SPCS2: variants seen among roughly 807,000 people sequenced by gnomAD.
SPCS2 encodes signal peptidase complex subunit 2.
SPCS2 carries 3 observed loss-of-function variants against 22.3 expected under a neutral mutation model. The ratio of observed to expected loss-of-function variants is 0.13; its 90% CI spans 0.06 to 0.35. The LOEUF is 0.35. Ranked by LOEUF, SPCS2 falls within the 10% of genes least tolerant of loss-of-function variation. The probability of loss-of-function intolerance (pLI) is 1.00; values close to 1 mark genes in which losing one functional copy is unlikely to be tolerated. For synonymous variants in SPCS2, 67 were observed against 97.2 expected (o/e 0.69, Z 1.83); for missense variants, 169 against 280.9 (o/e 0.60, Z 2.85).
At chr11:74,956,598 C>A (rs1948480392) in intron 1 of SPCS2, among the ~76,000 whole-genome samples, 1 of 152,190 alleles carries the variant, frequency 6.6e-6, no homozygotes, top group South Asian at 2.1e-4. Flanking sequence ...GTAGCCCTTT[C>A]AACTGGTCTT....
At chr11:74,969,896 G>C (rs573326896) in intron 4 of SPCS2, among the ~76,000 whole-genome samples, 197 bp downstream of exon 4, 20 of 152,326 alleles carry the variant, frequency 1.3e-4, no homozygotes, top group Non-Finnish European at 2.4e-4. Context: ...TCACAGAAAT[G>C]CTCTGAGGAT....
chr11:74,949,395 A>T lies in SPCS2; in HGVS notation c.110A>T (p.Asp37Val). The change falls in exon 1 of 5, where the codon GAT becomes GTT. Residue 37 changes from aspartate to valine, a missense_variant. Transcript: ENST00000263672. Reference sequence around the variant, plus strand: ...GGAAGTGGCCGTAGCGGCTTGTTGGATAAGGTGAGGAGCCGGTTCTTGGGA... The same window carrying T: ...GGAAGTGGCCGTAGCGGCTTGTTGGTTAAGGTGAGGAGCCGGTTCTTGGGA... ...GTGSGRSGLL[D>V]KWKIDDKPVK... 6.4e-7 allele frequency: 1 copy of T among 1,551,180 alleles called. No individual in the cohort carries two copies. The highest frequency in any genetic ancestry group is 8.7e-7 in the Non-Finnish European group (1 of 1,146,752).
intron 4 of SPCS2, among the ~76,000 whole-genome samples, chr11:74,972,129 C>T (rs961777246): frequency 7.2e-5 from 11 of 151,898 alleles, no homozygotes; most frequent in Non-Finnish European, 1.6e-4. Flanking sequence ...CGCAATGACG[C>T]GATCTTGGCT....
At chr11:74,959,205 G>A (rs1371164592) in intron 1 of SPCS2, among the ~76,000 whole-genome samples, 1 of 152,204 alleles carries the variant, frequency 6.6e-6, no homozygotes, top group African/African-American at 2.4e-5. Flanking sequence ...CATCTCTCCA[G>A]TGTGAATTGA....
rs1591740967 is a variant in SPCS2 at position 74,969,690 on chromosome 11, G to C, written c.485G>C (p.Ser162Thr). The C allele has an allele frequency of 6.2e-7, 1 of 1,613,706 alleles. No individual in the cohort carries two copies. The highest frequency in any genetic ancestry group is 8.5e-7 in the Non-Finnish European group (1 of 1,179,674). Reference sequence around the variant, plus strand: ...GATGATATTTGGCAGCTGTCCTCCAGTCTTAAAAGGTATGACTATCCTCAC... The same window carrying C: ...GATGATATTTGGCAGCTGTCCTCCACTCTTAAAAGGTATGACTATCCTCAC... Reference protein sequence around the residue: ...DPDDIWQLSSSLKRFDDKYTL... With the variant: ...DPDDIWQLSSTLKRFDDKYTL... Residue 162 changes from serine to threonine, a missense_variant, in exon 4 of 5, where the codon AGT (serine) becomes ACT (threonine). This residue lies in a region of SPCS2 where 118 missense variants were observed against 243.1 expected (regional missense o/e 0.49). Coordinates refer to ENST00000263672, the MANE Select transcript of SPCS2 (RefSeq NM_014752.3).
At chr11:74,965,186 C>T in intron 2 of SPCS2, 69 bp downstream of exon 2, 1 of 1,079,308 alleles carries the variant, frequency 9.3e-7, no homozygotes, top group Non-Finnish European at 1.3e-6. Context: ...GAAATCTTTT[C>T]CTTTTGTAAC....
chr11:74,969,454 A>G, intron 3 of SPCS2, 111 bp from the exon 4 acceptor site: 1 of 1,021,430 alleles, frequency 9.8e-7, no homozygotes, highest in Non-Finnish European at 1.4e-6. Context: ...GCAGCAAGAC[A>G]AAGCTGTCTT....
Position 74,968,520 on chromosome 11 carries a change from T to G in SPCS2, c.360-1045T>G, listed in dbSNP as rs1338286316. Among the ~76,000 whole-genome samples the G allele has an allele frequency of 5.4e-5, 7 of 130,816 alleles. No homozygotes were observed. In the South Asian group the frequency reaches 8.6e-4, roughly 16 times the overall value. 85.8% of individuals were successfully genotyped at this position (130,816 alleles called of 152,430 possible). On this transcript the variant is annotated intron_variant, in intron 3 of 4. Transcript: ENST00000263672. Reference sequence around the variant, plus strand: ...TTTGGTTTTTGTGGGTTTTTTTTGTTTTTTTTTTTTTTTGAGACAGAGTCT... The same window carrying G: ...TTTGGTTTTTGTGGGTTTTTTTTGTGTTTTTTTTTTTTTGAGACAGAGTCT...
At chr11:74,975,367 T>C (rs1432602127) in intron 4 of SPCS2, among the ~76,000 whole-genome samples, 1 of 152,202 alleles carries the variant, frequency 6.6e-6, no homozygotes, top group Non-Finnish European at 1.5e-5. Context: ...TTTTTTATAC[T>C]GTCTGTTCCC....
At chr11:74,954,270 G>C (rs1203822427) in intron 1 of SPCS2, among the ~76,000 whole-genome samples, 1 of 152,220 alleles carries the variant, frequency 6.6e-6, no homozygotes, top group East Asian at 1.9e-4. Context: ...TTGTAGACAA[G>C]GACACAAGCA....
At chr11:74,949,970 C>T (rs950601313) in intron 1 of SPCS2, among the ~76,000 whole-genome samples, 1 of 152,044 alleles carries the variant, frequency 6.6e-6, no homozygotes, top group Non-Finnish European at 1.5e-5. Context: ...TTTTCCCCGC[C>T]CTCTCCTCTC....
chr11:74,964,073 A>G (rs1028586453), intron 1 of SPCS2, among the ~76,000 whole-genome samples: 1 of 152,234 alleles, frequency 6.6e-6, no homozygotes, highest in Non-Finnish European at 1.5e-5. Context: ...CTACCCTGAT[A>G]AGATATCTGG....
intron 4 of SPCS2, 44 bp from the exon 5 acceptor site, chr11:74,976,813 T>C (rs1948616380): frequency 1.2e-6 from 2 of 1,611,428 alleles, no homozygotes; most frequent in African/African-American, 1.3e-5. Context: ...TGGTTGAATC[T>C]CTGTGTTTGG....
In SPCS2 at chr11:74,965,879, C is replaced by T. The variant is rs769428961; in HGVS notation, c.315C>T (p.His105=). ...AIVALIWDYM[H]PFPESKPVLA... is the part of the protein sequence containing the mutation. ...TGGCTTTGATTTGGGATTATATGCACCCCTTTCCAGAGTCCAAACCCGTTT... is the reference window on the plus strand; with the variant it reads ...TGGCTTTGATTTGGGATTATATGCATCCCTTTCCAGAGTCCAAACCCGTTT... The change falls in exon 3 of 5, where the codon CAC becomes CAT. Residue 105 remains histidine (H), a synonymous_variant. Transcript: ENST00000263672. 1.5e-5 allele frequency: 25 copies of T among 1,613,368 alleles called. No individual in the cohort carries two copies. Among genetic ancestry groups the T allele is most frequent in the African/African-American group, 1.5e-4 (11 of 74,982 alleles).
At chr11:74,968,354 C>T (rs756172033) in intron 3 of SPCS2, 4 of 152,134 alleles carry the variant, frequency 2.6e-5, no homozygotes, top group Non-Finnish European at 5.9e-5. Context: ...CAGGGTCTCA[C>T]TCTGTTGCCC....
Position 74,976,559 on chromosome 11 carries a change from C to T in SPCS2, c.495-298C>T, listed in dbSNP as rs183351455. Among the ~76,000 whole-genome samples the T allele has an allele frequency of 6.6e-5, 10 of 152,232 alleles. No individual in the cohort carries two copies. The South Asian group carries it at 1.7e-3, about 25-fold the overall frequency. On this transcript the variant is annotated intron_variant, in intron 4 of 4. Coordinates refer to ENST00000263672, the MANE Select transcript of SPCS2 (RefSeq NM_014752.3). ...GAAAACCTGTCTAGCATGGCAAATA[C>T]GAAGTCCAGAGATGAGAGAAGATGG...
chr11:74,968,140 A>G (rs369483470), intron 3 of SPCS2: 3 of 152,238 alleles, frequency 2.0e-5, no homozygotes, highest in East Asian at 3.9e-4. Context: ...ACTTTGTACT[A>G]TATTTTCCTG....
At chr11:74,956,085 C>T (rs1014255141) in intron 1 of SPCS2, among the ~76,000 whole-genome samples, 2 of 151,674 alleles carry the variant, frequency 1.3e-5, no homozygotes, top group Non-Finnish European at 2.9e-5. Context: ...TTTCCTCCTA[C>T]GTCAACTAGT....
chr11:74,963,031 G>A (rs1471278132), intron 1 of SPCS2, among the ~76,000 whole-genome samples: 1 of 152,196 alleles, frequency 6.6e-6, no homozygotes, highest in Non-Finnish European at 1.5e-5. Context: ...GTTTTTGAAT[G>A]ACCCATAATT....
Sources: allele counts gnomAD v4.1 joint callset (sites outside exome capture counted in the v4.1 genomes callset), GRCh38; gene constraint gnomAD v4.1.1; regional missense constraint gnomAD v4.1.1; transcripts MANE v1.5; gene names NCBI Gene and HGNC (gene_info 2026-07-23, HGNC 2026-07-21).